The following COL26A1 variants were observed in gnomAD, a reference collection of about 807,000 sequenced individuals.
COL26A1 encodes collagen alpha-1(XXVI) chain.
COL26A1 carries 41 observed loss-of-function variants against 59.3 expected under a neutral mutation model. The ratio of observed to expected loss-of-function variants is 0.69; its 90% CI spans 0.54 to 0.90. The LOEUF (loss-of-function observed/expected upper bound fraction) is 0.90. Ranked by LOEUF, COL26A1 falls within the 40% of genes least tolerant of loss-of-function variation. The pLI is 0.00. For synonymous variants in COL26A1, 266 were observed against 256.0 expected, an observed-to-expected ratio of 1.04 and a Z score of -0.37; for missense variants, 612 against 602.3, an observed-to-expected ratio of 1.02 and a Z score of -0.17.
intron 5 of COL26A1, among the ~76,000 whole-genome samples, chr7:101,542,509 G>C (rs1197558977): frequency 6.6e-6 from 1 of 152,184 alleles, no homozygotes; most frequent in Non-Finnish European, 1.5e-5. Context: ...CACCCAGCAA[G>C]CCAGCAAGCT....
chr7:101,371,570 G>C (rs1180854225), intron 1 of COL26A1, among the ~76,000 whole-genome samples: 2 of 149,820 alleles, frequency 1.3e-5, no homozygotes, highest in Non-Finnish European at 3.0e-5. Context: ...AGGATCACTT[G>C]AGCCCAGGAG....
At chr7:101,442,239 G>A (rs1793075768) in intron 2 of COL26A1, among the ~76,000 whole-genome samples, 1 of 60,258 alleles carries the variant, frequency 1.7e-5, no homozygotes, top group Non-Finnish European at 4.6e-5. Flanking sequence ...CTAAACAAAA[G>A]CTCTCCTCTG....
chr7:101,528,275 G>T (rs1013729458), intron 3 of COL26A1, among the ~76,000 whole-genome samples: 2 of 152,156 alleles, frequency 1.3e-5, no homozygotes, highest in African/African-American at 2.4e-5. Flanking sequence ...CCCTCCATCC[G>T]CTGAACTTCC....
intron 3 of COL26A1, among the ~76,000 whole-genome samples, chr7:101,499,399 A>G (rs1342313294): frequency 6.6e-6 from 1 of 152,018 alleles, no homozygotes; most frequent in Non-Finnish European, 1.5e-5. Context: ...AAAATTAGCC[A>G]TGGCCGGGTG....
At chr7:101,423,460 C>T (rs894545395) in intron 2 of COL26A1, among the ~76,000 whole-genome samples, 2 of 152,134 alleles carry the variant, frequency 1.3e-5, no homozygotes, top group African/African-American at 4.8e-5. Context: ...TCCGGCCCGG[C>T]GTGGTGGCTC....
chr7:101,420,871 C>G (rs34150905), intron 2 of COL26A1, among the ~76,000 whole-genome samples: 26,682 of 151,882 alleles, frequency 0.18, 2,796 homozygotes, highest in Non-Finnish European at 0.24. Flanking sequence ...CCAGCATTCA[C>G]GGTCTCCAAA....
At chr7:101,481,447 A>AAAATATATAT (rs1030606372) in intron 3 of COL26A1, among the ~76,000 whole-genome samples, 3 of 143,480 alleles carry the variant, frequency 2.1e-5, no homozygotes, top group African/African-American at 7.7e-5. Flanking sequence ...AATCTCCCAA[A>AAAATATATAT]ATATATATAT....
At chr7:101,546,783 G>A (rs1795745325) in intron 7 of COL26A1, among the ~76,000 whole-genome samples, 1 of 152,160 alleles carries the variant, frequency 6.6e-6, no homozygotes, top group Non-Finnish European at 1.5e-5. Flanking sequence ...TGGGCATGGA[G>A]GGCTTCCTGG....
chr7:101,473,438 A>G (rs1016819725), intron 3 of COL26A1, among the ~76,000 whole-genome samples: 1 of 151,562 alleles, frequency 6.6e-6, no homozygotes, highest in Non-Finnish European at 1.5e-5. Flanking sequence ...GAGAACAAAC[A>G]CTGGGGCTTG....
At position 101,447,981 on chromosome 7, in the gene COL26A1, G is replaced by C. The variant is rs115440904; in HGVS notation, c.385+194G>C. Among the ~76,000 whole-genome samples, 268 of 152,330 alleles carry C rather than the reference G, an allele frequency of 1.8e-3. 2 individuals are homozygous for C. Among genetic ancestry groups the C allele is most frequent in the African/African-American group, 5.9e-3 (245 of 41,576 alleles). ...CAGGATGAAGCTGCCCGCCCTGCCC[G>C]TGGGCACCGAGGCAGGTCCTAGTTT... On this transcript the variant is annotated intron_variant, in intron 3 of 12. Coordinates refer to ENST00000313669, the MANE Select transcript of COL26A1 (RefSeq NM_001278563.3).
At chr7:101,525,155 A>G (rs1030382205) in intron 3 of COL26A1, among the ~76,000 whole-genome samples, 6 of 147,352 alleles carry the variant, frequency 4.1e-5, no homozygotes, top group Admixed American at 1.4e-4. Flanking sequence ...CTCAGTATCC[A>G]TAGTTTGACT....
chr7:101,369,512 A>G (rs1232476803), intron 1 of COL26A1, among the ~76,000 whole-genome samples: 1 of 131,176 alleles, frequency 7.6e-6, no homozygotes, highest in African/African-American at 2.9e-5. Context: ...GCAGTGGCGC[A>G]ATCTCGGCTC....
At chr7:101,489,649 CTTTCTTTCTTT>C (rs1563007211) in intron 3 of COL26A1, among the ~76,000 whole-genome samples, 4 of 74,568 alleles carry the variant, frequency 5.4e-5, no homozygotes, top group East Asian at 4.8e-4. Flanking sequence ...TTCTTTCTTT[CTTTCTTTCTTT>C]CTTCCTTCCT....
At chr7:101,438,763 C>T (rs758405991) in intron 2 of COL26A1, among the ~76,000 whole-genome samples, 2 of 151,428 alleles carry the variant, frequency 1.3e-5, no homozygotes, top group African/African-American at 2.4e-5. Context: ...TTCCGCCTCT[C>T]GGGTTCAAGC....
chr7:101,399,865 T>C (rs1167719031), intron 1 of COL26A1, among the ~76,000 whole-genome samples: 1 of 152,200 alleles, frequency 6.6e-6, no homozygotes, highest in Non-Finnish European at 1.5e-5. Flanking sequence ...ACACAGTTTA[T>C]GTATAATTAG....
chr7:101,409,822 G>A (rs1792203054), intron 1 of COL26A1, among the ~76,000 whole-genome samples: 1 of 152,182 alleles, frequency 6.6e-6, no homozygotes, highest in East Asian at 1.9e-4. Context: ...GTGCAGTGGT[G>A]TGATCTCTGC....
At chr7:101,382,587 T>C (rs1791473878) in intron 1 of COL26A1, among the ~76,000 whole-genome samples, 1 of 152,258 alleles carries the variant, frequency 6.6e-6, no homozygotes, top group African/African-American at 2.4e-5. Context: ...ATATATTTTG[T>C]TAGCTGATAG....
chr7:101,379,634 A>C (rs1244178587), intron 1 of COL26A1, among the ~76,000 whole-genome samples: 4 of 152,304 alleles, frequency 2.6e-5, no homozygotes, highest in African/African-American at 9.6e-5. Flanking sequence ...CTACTTACCC[A>C]GATGGTTATG....
Position 101,557,854 on chromosome 7 carries a change from C to G in COL26A1, c.*324C>G. ...GAGTCCCTGCTGTAACTGGCCCTGT[C>G]CAGGGAACTTTCGTTACGTTGTCTC... On this transcript the variant is annotated 3_prime_UTR_variant, in exon 13 of 13. Transcript: ENST00000313669. 2 of 247,078 alleles carry G rather than the reference C, an allele frequency of 8.1e-6. No homozygotes were observed. The highest frequency in any genetic ancestry group is 1.6e-5 in the Non-Finnish European group (2 of 129,014). The allele number at this position is 247,078 out of a possible 1,614,324, so 15.3% of individuals were successfully genotyped here. A position where few individuals can be genotyped will look rare whatever the true frequency, so the allele number is the denominator to read the frequency against.
Sources: allele counts gnomAD v4.1 joint callset (sites outside exome capture counted in the v4.1 genomes callset), GRCh38; gene constraint gnomAD v4.1.1; transcripts MANE v1.5; gene names NCBI Gene and HGNC (gene_info 2026-07-23, HGNC 2026-07-21).